The following IGLON5 variants were observed in gnomAD, a reference collection of about 807,000 sequenced individuals.
IGLON5 encodes the protein IgLON family member 5, also known as Ig-like domain-containing protein ENSP00000270642.
Under a neutral mutation model 38.2 loss-of-function variants are expected in IGLON5, and 16 were observed. The observed-to-expected ratio is 0.42, with a 90% CI of 0.28 to 0.64. The LOEUF (loss-of-function observed/expected upper bound fraction) is 0.64. IGLON5 is among the 30% of genes least tolerant of loss of function. IGLON5 has a pLI of 0.23. For missense variants in IGLON5, 366 were observed against 483.4 expected, an observed-to-expected ratio of 0.76 and a Z score of 2.28; for synonymous variants, 207 against 216.4, an observed-to-expected ratio of 0.96 and a Z score of 0.38.
Position 51,328,851 on chromosome 19 carries a change from G to A in IGLON5, c.*92G>A, listed in dbSNP as rs1218428617. On this transcript the variant is annotated 3_prime_UTR_variant, in exon 8 of 8. Transcript: ENST00000270642. ...AGCAAGAGCCGTGGGTCTCGTGGGG[G>A]CAGAAGAGCTCTCGGCCACCAAGGA... is the stretch of plus-strand genomic sequence containing the variant. 3 of 809,362 alleles carry A rather than the reference G, an allele frequency of 3.7e-6. No individual in the cohort carries two copies. Among genetic ancestry groups the A allele is most frequent in the South Asian group, 1.9e-5 (1 of 53,482 alleles). The allele number at this position is 809,362 out of a possible 1,614,324, so 50.1% of individuals were successfully genotyped here.
rs552486209 is a variant in IGLON5, at chr19:51,325,373, C to T, written c.419C>T (p.Ser140Leu). 39 of 1,613,836 alleles carry T rather than the reference C, an allele frequency of 2.4e-5. No homozygotes were observed. Among genetic ancestry groups the T allele is most frequent in the East Asian group, 4.5e-5 (2 of 44,880 alleles). ...HVPARIVNISSPVTVNEGGNV... is the reference protein window; with the variant it reads ...HVPARIVNISLPVTVNEGGNV... ...CCTGCCCGCATTGTGAACATCTCGT[C>T]GCCTGTGACGGTGAATGAGGGGGGC... is the stretch of plus-strand genomic sequence containing the variant. Residue 140 changes from serine (S) to leucine (L), a missense_variant, in exon 4 of 8, where the codon TCG becomes TTG. By Grantham distance (145) the Ser-to-Leu change is moderately radical (BLOSUM62 -2). Coordinates refer to ENST00000270642, the MANE Select transcript of IGLON5 (RefSeq NM_001101372.3). The surrounding 1 kb of genome is among the most constrained non-coding windows in gnomAD (Gnocchi z 5.5).
rs1985177487 is a variant in IGLON5 at position 51,325,044 on chromosome 19, GA to G, written c.392-300del. The stretch of plus-strand genomic sequence containing the variant: ...CCAAGTTAGGATGAAGGTGGAGAGA[GA>G]ATAGAGACAAGACCAGCAATTAGAC... On this transcript the variant is annotated intron_variant, in intron 3 of 7. Transcript: ENST00000270642. The surrounding 1 kb of genome is among the most constrained non-coding windows in gnomAD (Gnocchi z 5.5). Among the ~76,000 whole-genome samples the G allele has an allele frequency of 2.6e-5, 4 of 152,056 alleles. No individual in the cohort carries two copies. Among genetic ancestry groups the G allele is most frequent in the African/African-American group, 9.7e-5 (4 of 41,394 alleles).
In IGLON5 at chr19:51,325,383, G is replaced by A. The variant is rs375807488; in HGVS notation, c.429G>A (p.Thr143=). Residue 143 remains threonine, a synonymous_variant, in exon 4 of 8, where the codon ACG becomes ACA. Transcript: ENST00000270642. The surrounding 1 kb of genome is among the most constrained non-coding windows in gnomAD (Gnocchi z 5.5). ...TTGTGAACATCTCGTCGCCTGTGAC[G>A]GTGAATGAGGGGGGCAATGTGAACC... ...ARIVNISSPV[T]VNEGGNVNLL... The A allele has an allele frequency of 8.7e-6, 14 of 1,613,738 alleles. No homozygotes were observed. Among genetic ancestry groups the A allele is most frequent in the African/African-American group, 6.7e-5 (5 of 74,890 alleles).
chr19:51,322,522 C>T (rs1157716637), intron 2 of IGLON5, among the ~76,000 whole-genome samples: 6 of 151,368 alleles, frequency 4.0e-5, no homozygotes, highest in Non-Finnish European at 8.8e-5. Flanking sequence ...TGCTGTTTCC[C>T]CAGGTCTCCA....
intron 7 of IGLON5, among the ~76,000 whole-genome samples, chr19:51,328,349 A>AAAAAAAAAAAAAAAAAAAAC: frequency 6.6e-6 from 1 of 151,592 alleles, no homozygotes; most frequent in African/African-American, 2.4e-5. Context: ...CAAAAAAAAA[A>AAAAAAAAAAAAAAAAAAAAC]AAAAATACAA....
intron 2 of IGLON5, among the ~76,000 whole-genome samples, chr19:51,322,711 C>T (rs1985099084): frequency 7.1e-6 from 1 of 141,820 alleles, no homozygotes. Flanking sequence ...GTGTGTGTGT[C>T]TCTGTCCCTC....
rs936852500 is a variant in IGLON5, at chr19:51,312,052, G to A, written c.79+126G>A. The A allele has an allele frequency of 1.1e-5, 5 of 444,618 alleles. 1 individual carries two copies. Among genetic ancestry groups the A allele is most frequent in the Non-Finnish European group, 1.8e-5 (5 of 284,166 alleles). 27.5% of individuals were successfully genotyped at this position (444,618 alleles called of 1,614,324 possible). A position where few individuals can be genotyped will look rare whatever the true frequency, so the allele number is the denominator to read the frequency against. On this transcript the variant is annotated intron_variant, in intron 1 of 7. Transcript: ENST00000270642. Reference sequence around the variant, plus strand: ...CGGCGCGGGGAGGCCCCGGGACGCCGGGGTCTGGGCCCGGGGGTGGGGTCT... The same window carrying A: ...CGGCGCGGGGAGGCCCCGGGACGCCAGGGTCTGGGCCCGGGGGTGGGGTCT...
chr19:51,314,240 G>C (rs1402814585), intron 1 of IGLON5, among the ~76,000 whole-genome samples: 1 of 146,784 alleles, frequency 6.8e-6, no homozygotes, highest in African/African-American at 2.6e-5. Flanking sequence ...CTGGAGTGTA[G>C]TGGCATAATC....
chr19:51,316,043 G>A (rs866160833), intron 1 of IGLON5, among the ~76,000 whole-genome samples: 47 of 150,860 alleles, frequency 3.1e-4, no homozygotes, highest in African/African-American at 1.0e-3. Flanking sequence ...CTTGAGGTGG[G>A]ACCAACAGAA....
Position 51,321,791 on chromosome 19 carries a change from G to A in IGLON5, c.80-273G>A, listed in dbSNP as rs76715891. Among the ~76,000 whole-genome samples the A allele has an allele frequency of 9.7e-3, 1,480 of 152,328 alleles. 21 individuals are homozygous for A. Among genetic ancestry groups the A allele is most frequent in the African/African-American group, 0.033 (1,391 of 41,566 alleles). On this transcript the variant is annotated intron_variant, in intron 1 of 7. Coordinates refer to ENST00000270642, the MANE Select transcript of IGLON5 (RefSeq NM_001101372.3). ...CCCATCTGAGTCTGTGAGTCTGTGT[G>A]GGCTCATGGGAAGATACATGTTGCA...
chr19:51,311,721 C>T lies in IGLON5; in HGVS notation c.-127C>T. 1 of 58,964 alleles carries T rather than the reference C, an allele frequency of 1.7e-5. No homozygotes were observed. Among genetic ancestry groups the T allele is most frequent in the Non-Finnish European group, 3.3e-5 (1 of 30,590 alleles). 3.7% of individuals were successfully genotyped at this position (58,964 alleles called of 1,614,324 possible). A position where few individuals can be genotyped will look rare whatever the true frequency, so the allele number is the denominator to read the frequency against. ...GCCCCCCCAGCCCCCTCCCCCCGCC[C>T]CCGCCGCCCCCCGGGCCGGTGCAGC... is the stretch of plus-strand genomic sequence containing the variant. On this transcript the variant is annotated 5_prime_UTR_variant, in exon 1 of 8. Transcript: ENST00000270642.
chr19:51,321,345 T>C (rs868468258), intron 1 of IGLON5, among the ~76,000 whole-genome samples: 1 of 152,202 alleles, frequency 6.6e-6, no homozygotes, highest in African/African-American at 2.4e-5. Flanking sequence ...ACCCGGCTAA[T>C]ATTTTGTATT....
intron 7 of IGLON5, among the ~76,000 whole-genome samples, 197 bp from the exon 8 acceptor site, chr19:51,328,474 G>C (rs961391080): frequency 1.3e-5 from 2 of 150,806 alleles, no homozygotes; most frequent in African/African-American, 4.9e-5. Context: ...ATTGCGCCTG[G>C]GTGACAGAGC....
In IGLON5 at chr19:51,320,923, C is replaced by T. The variant is rs75276182; in HGVS notation, c.80-1141C>T. ...TGTATTCACGTATATATGTGTGTTT[C>T]TGTGTGTATGCATATATACTATGCG... On this transcript the variant is annotated intron_variant, in intron 1 of 7. Coordinates refer to ENST00000270642, the MANE Select transcript of IGLON5 (RefSeq NM_001101372.3). 4.5e-3 allele frequency among the ~76,000 whole-genome samples: 680 copies of T among 152,062 alleles called. 4 individuals are homozygous for T. The highest frequency in any genetic ancestry group is 0.015 in the African/African-American group (628 of 41,450).
rs996321267 is a variant in IGLON5 at position 51,311,805 on chromosome 19, C to T, written c.-43C>T. The stretch of plus-strand genomic sequence containing the variant: ...CCCCCAGGCCTCGCGCGCCCCGGAC[C>T]GGCCCCCCCTTTCCCCTCCCCCTCC... On this transcript the variant is annotated 5_prime_UTR_variant, in exon 1 of 8. Transcript: ENST00000270642. The T allele has an allele frequency of 6.3e-5, 26 of 415,234 alleles. No homozygotes were observed. In the Admixed American group the frequency reaches 9.3e-4, roughly 15 times the overall value. The allele number at this position is 415,234 out of a possible 1,614,324, so 25.7% of individuals were successfully genotyped here. A position where few individuals can be genotyped will look rare whatever the true frequency, so the allele number is the denominator to read the frequency against.
Position 51,328,659 on chromosome 19 carries a change from C to T in IGLON5, c.923-12C>T. On this transcript the variant is annotated splice_polypyrimidine_tract_variant and intron_variant, in intron 7 of 7. Coordinates refer to ENST00000270642, the MANE Select transcript of IGLON5 (RefSeq NM_001101372.3). ...CTCAGGCCTCCCTCCATGACCCCTT[C>T]TCTTCCCCCAGGCCCAGGATCCCTG... The T allele has an allele frequency of 6.5e-7, 1 of 1,548,934 alleles. No homozygotes were observed. Among genetic ancestry groups the T allele is most frequent in the Non-Finnish European group, 8.7e-7 (1 of 1,145,564 alleles).
At chr19:51,326,159 C>T (rs1985211799) in intron 4 of IGLON5, among the ~76,000 whole-genome samples, 2 of 152,242 alleles carry the variant, frequency 1.3e-5, no homozygotes, top group Admixed American at 6.5e-5. Flanking sequence ...ACCCATGGTG[C>T]CAGTCACTAG....
rs1185151117 is a variant in IGLON5, at chr19:51,324,897, A to C, written c.392-449A>C. 2.0e-5 allele frequency among the ~76,000 whole-genome samples: 3 copies of C among 151,938 alleles called. No individual in the cohort carries two copies. In the East Asian group the frequency reaches 5.8e-4, roughly 30 times the overall value. ...TCTAATCAGTGGATTTGGGTAAAGC[A>C]CTTAGAATAGCATCTGTTACACAGA... On this transcript the variant is annotated intron_variant, in intron 3 of 7. Transcript: ENST00000270642. The surrounding 1 kb of genome is among the most constrained non-coding windows in gnomAD (Gnocchi z 4.2).
In IGLON5 at chr19:51,311,703, C is replaced by A. The variant is rs1984762975; in HGVS notation, c.-145C>A. 2 of 128,806 alleles carry A rather than the reference C, an allele frequency of 1.6e-5. No individual in the cohort carries two copies. The highest frequency in any genetic ancestry group is 3.3e-4 in the South Asian group (1 of 3,040). The allele number at this position is 128,806 out of a possible 1,614,324, so 8.0% of individuals were successfully genotyped here. The stretch of plus-strand genomic sequence containing the variant: ...CTCCAGCCGCCTCGTCGCGCCCCCC[C>A]AGCCCCCTCCCCCCGCCCCCGCCGC... On this transcript the variant is annotated 5_prime_UTR_variant, in exon 1 of 8. Coordinates refer to ENST00000270642, the MANE Select transcript of IGLON5 (RefSeq NM_001101372.3).
Sources: allele counts gnomAD v4.1 joint callset (sites outside exome capture counted in the v4.1 genomes callset), GRCh38; gene constraint gnomAD v4.1.1; non-coding constraint Gnocchi (gnomAD v3.1); transcripts MANE v1.5; gene names NCBI Gene and HGNC (gene_info 2026-07-23, HGNC 2026-07-21).